The following GCN1 variants were observed in gnomAD, a reference collection of about 807,000 sequenced individuals.
GCN1 encodes the protein stalled ribosome sensor GCN1.
GCN1 carries 90 observed loss-of-function variants against 288.4 expected under a neutral mutation model. The observed-to-expected ratio is 0.31, with a 90% CI of 0.26 to 0.37. GCN1 has a LOEUF of 0.37. Ranked by LOEUF, GCN1 falls within the 10% of genes least tolerant of loss-of-function variation. The pLI, the probability that GCN1 is intolerant of heterozygous loss-of-function variation, is 1.00. For synonymous variants in GCN1, 1,386 were observed against 1,420.2 expected, an observed-to-expected ratio of 0.98 and a Z score of 0.54; for missense variants, 2,586 against 3,419.9, an observed-to-expected ratio of 0.76 and a Z score of 6.08.
chr12:120,142,963 C>G lies in GCN1; in HGVS notation c.5496-22G>C, dbSNP rs753611168. On this transcript the variant is annotated intron_variant, in intron 42 of 57. Transcript: ENST00000300648. The surrounding 1 kb of genome is among the most constrained non-coding windows in gnomAD (Gnocchi z 4.9). ...GAACCTGAGAAGGAGGCCAACAACA[C>G]AGTCACACAGCTGCAAGGAGTGGGC... 7.0e-7 allele frequency: 1 copy of G among 1,424,598 alleles called. No individual in the cohort carries two copies. The highest frequency in any genetic ancestry group is 2.3e-5 in the East Asian group (1 of 43,964). 88.2% of individuals were successfully genotyped at this position (1,424,598 alleles called of 1,614,324 possible). A position where few individuals can be genotyped will look rare whatever the true frequency, so the allele number is the denominator to read the frequency against.
At chr12:120,168,801 G>A (rs1878214640) in intron 15 of GCN1, among the ~76,000 whole-genome samples, 1 of 151,692 alleles carries the variant, frequency 6.6e-6, no homozygotes, top group African/African-American at 2.4e-5. Context: ...ATATATTTCT[G>A]TATTTCCTCG....
Position 120,178,838 on chromosome 12 carries a change from T to G in GCN1, c.525+14A>C. On this transcript the variant is annotated intron_variant, in intron 6 of 57. Transcript: ENST00000300648. Reference sequence around the variant, plus strand: ...GGAAGAAGCAATGCCCACCAGCCCCTGCAGTCCTGTCACCTCTTTCCACAG... The same window carrying G: ...GGAAGAAGCAATGCCCACCAGCCCCGGCAGTCCTGTCACCTCTTTCCACAG... 1 of 1,613,784 alleles carries G rather than the reference T, an allele frequency of 6.2e-7. No individual in the cohort carries two copies.
At chr12:120,141,746 G>A (rs146106465) in intron 44 of GCN1, among the ~76,000 whole-genome samples, 8 of 152,270 alleles carry the variant, frequency 5.3e-5, no homozygotes, top group African/African-American at 1.7e-4. Context: ...CTCCTCACCT[G>A]GTTAGTGCTT....
rs550126173 is a variant in GCN1 at position 120,148,270 on chromosome 12, G to A, written c.4623C>T (p.Pro1541=). The part of the protein sequence containing the change: ...QLSSCLPNIV[P]KLTEVLTDSH... ...AGTCGGTCAGCACCTCCGTAAGCTT[G>A]GGCACAATGTTGGGTAGACAGGATG... The change falls in exon 37 of 58, where the codon CCC becomes CCT. Residue 1541 remains proline, a synonymous_variant. Coordinates refer to ENST00000300648, the MANE Select transcript of GCN1 (RefSeq NM_006836.2). 1 of 1,614,048 alleles carries A rather than the reference G, an allele frequency of 6.2e-7. No homozygotes were observed. Among genetic ancestry groups the A allele is most frequent in the South Asian group, 1.1e-5 (1 of 91,086 alleles).
chr12:120,147,708 C>A (rs915563579), intron 37 of GCN1, among the ~76,000 whole-genome samples: 3 of 152,154 alleles, frequency 2.0e-5, no homozygotes, highest in African/African-American at 4.8e-5. Flanking sequence ...ACTGACTGGG[C>A]ACTGGCAGCT....
At chr12:120,179,484 C>G (rs1878583561) in intron 5 of GCN1, among the ~76,000 whole-genome samples, 1 of 151,588 alleles carries the variant, frequency 6.6e-6, no homozygotes, top group Non-Finnish European at 1.5e-5. Context: ...ACTGCAAGCT[C>G]CGCCTCACGG....
In GCN1 at chr12:120,134,256, T is replaced by C. The variant is rs1209577034; in HGVS notation, c.7317+35A>G. The C allele has an allele frequency of 7.1e-7, 1 of 1,403,478 alleles. No homozygotes were observed. The highest frequency in any genetic ancestry group is 1.0e-6 in the Non-Finnish European group (1 of 988,686). 86.9% of individuals were successfully genotyped at this position (1,403,478 alleles called of 1,614,324 possible). On this transcript the variant is annotated intron_variant, in intron 53 of 57. Transcript: ENST00000300648. The surrounding 1 kb of genome is among the most constrained non-coding windows in gnomAD (Gnocchi z 5.0). ...TAAGGAGGAGGAGGGAAACCAGTGGTCCAGTGCTGCCACTAGTCCTGCCTG... is the reference window on the plus strand; with the variant it reads ...TAAGGAGGAGGAGGGAAACCAGTGGCCCAGTGCTGCCACTAGTCCTGCCTG...
intron 5 of GCN1, among the ~76,000 whole-genome samples, chr12:120,180,040 C>T (rs1878601243): frequency 6.6e-6 from 1 of 152,218 alleles, no homozygotes; most frequent in Non-Finnish European, 1.5e-5. Flanking sequence ...GGCCTAGTGG[C>T]TCACACCTGT....
intron 2 of GCN1, among the ~76,000 whole-genome samples, chr12:120,185,581 T>C: frequency 6.6e-6 from 1 of 152,162 alleles, no homozygotes; most frequent in East Asian, 1.9e-4. Flanking sequence ...CCATGTAAGG[T>C]GGGCAGTGTT....
At position 120,173,772 on chromosome 12, in the gene GCN1, C is replaced by T. The variant is rs756678405; in HGVS notation, c.1247G>A (p.Arg416Gln). ...AVSVLALWCN[R>Q]FTMEVPKKLT... ...CTTCTTGGGCACTTCCATAGTGAAT[C>T]GGTTACACCAGAGAGCCAGGACTGA... Residue 416 changes from arginine to glutamine, a missense_variant, in exon 14 of 58, where the codon CGA becomes CAA. Around this residue, in one of 8 missense-constraint regions of GCN1, gnomAD observed 913 missense variants for 1,107.0 expected, o/e 0.82. Coordinates refer to ENST00000300648, the MANE Select transcript of GCN1 (RefSeq NM_006836.2). The T allele has an allele frequency of 9.3e-6, 15 of 1,613,738 alleles. No individual in the cohort carries two copies. Among genetic ancestry groups the T allele is most frequent in the South Asian group, 2.2e-5 (2 of 91,074 alleles).
At chr12:120,138,941 T>G in intron 45 of GCN1, 85 bp from the exon 46 acceptor site, 3 of 1,213,054 alleles carry the variant, frequency 2.5e-6, no homozygotes, top group Non-Finnish European at 3.5e-6. Flanking sequence ...CAGGGGACTC[T>G]GACCCAGCTA....
chr12:120,155,026 C>T lies in GCN1; in HGVS notation c.3645G>A (p.Val1215=), dbSNP rs972773408. 8 of 1,613,780 alleles carry T rather than the reference C, an allele frequency of 5.0e-6. No individual in the cohort carries two copies. Among genetic ancestry groups the T allele is most frequent in the Middle Eastern group, 3.3e-4 (2 of 6,084 alleles). The change falls in exon 31 of 58, where the codon GTG becomes GTA. Residue 1215 remains valine (V), a synonymous_variant. Transcript: ENST00000300648. This position sits in a 1 kb window ranked among gnomAD's most constrained non-coding sequence, Gnocchi z 4.9. The part of the protein sequence containing the change: ...YQEKLYRPPP[V]LDALGRVISE... ...AAATAACTCGTCCCAAAGCATCCAG[C>T]ACTGGGGGCGGCCGCTGCAACAGAC...
Position 120,179,391 on chromosome 12 carries a change from C to T in GCN1, c.427-441G>A, listed in dbSNP as rs573161665. Among the ~76,000 whole-genome samples, 6 of 150,818 alleles carry T rather than the reference C, an allele frequency of 4.0e-5. No homozygotes were observed. The South Asian group carries it at 1.1e-3, about 26-fold the overall frequency. On this transcript the variant is annotated intron_variant, in intron 5 of 57. Coordinates refer to ENST00000300648, the MANE Select transcript of GCN1 (RefSeq NM_006836.2). ...GACTACAGGTGCGTGCCACCATGCC[C>T]AGCTAATTTTTTTTTTTTTTTTTTT...
chr12:120,194,053 C>G (rs1225364152), intron 1 of GCN1, among the ~76,000 whole-genome samples: 2 of 152,254 alleles, frequency 1.3e-5, no homozygotes, highest in Non-Finnish European at 2.9e-5. Flanking sequence ...CAGGACAGTT[C>G]TTTTCACTAA....
At chr12:120,140,664 A>G (rs1321185222) in intron 45 of GCN1, among the ~76,000 whole-genome samples, 195 bp downstream of exon 45, 1 of 152,202 alleles carries the variant, frequency 6.6e-6, no homozygotes, top group Admixed American at 6.5e-5. Context: ...TTAGCCTGCA[A>G]AACTGACAGG....
In GCN1 at chr12:120,137,509, A is replaced by T; in HGVS notation, c.6663+36T>A. On this transcript the variant is annotated intron_variant, in intron 49 of 57. Coordinates refer to ENST00000300648, the MANE Select transcript of GCN1 (RefSeq NM_006836.2). The surrounding 1 kb of genome is among the most constrained non-coding windows in gnomAD (Gnocchi z 5.2). The stretch of plus-strand genomic sequence containing the variant: ...CTGTAAATGTCTGGAATTTTCTAAA[A>T]GCAAAAGTTGGCTGTGGGGTCAGCA... 1 of 1,603,724 alleles carries T rather than the reference A, an allele frequency of 6.2e-7. No homozygotes were observed. The highest frequency in any genetic ancestry group is 8.5e-7 in the Non-Finnish European group (1 of 1,172,480).
intron 56 of GCN1, 112 bp from the exon 57 acceptor site, chr12:120,129,606 T>A (rs1019468299): frequency 2.6e-6 from 2 of 767,950 alleles, no homozygotes; most frequent in Admixed American, 3.9e-5. Context: ...TGACCCCCCC[T>A]GCTCCTGTGG....
chr12:120,136,134 C>T (rs2139085300), intron 51 of GCN1, among the ~76,000 whole-genome samples: 1 of 152,156 alleles, frequency 6.6e-6, no homozygotes, highest in South Asian at 2.1e-4. Context: ...AGTAGTTTTT[C>T]AAAATAATAG....
chr12:120,127,871 A>C lies in GCN1; in HGVS notation c.7994T>G (p.Val2665Gly), dbSNP rs1594254568. ...LASQADSTEQVDDTILT is the reference protein window; with the variant it reads ...LASQADSTEQGDDTILT ...CTCTCATGTCAGGATGGTGTCGTCCACCTGCTCCGTGGAGTCGGCCTGGCT... is the reference window on the plus strand; with the variant it reads ...CTCTCATGTCAGGATGGTGTCGTCCCCCTGCTCCGTGGAGTCGGCCTGGCT... The change falls in exon 58 of 58, where the codon GTG (valine) becomes GGG (glycine). Residue 2665 changes from valine to glycine, a missense_variant. Around this residue, in one of 8 missense-constraint regions of GCN1, gnomAD observed 355 missense variants for 431.1 expected, o/e 0.82. Transcript: ENST00000300648. 1.2e-6 allele frequency: 2 copies of C among 1,613,836 alleles called. No homozygotes were observed. Among genetic ancestry groups the C allele is most frequent in the Non-Finnish European group, 1.7e-6 (2 of 1,179,688 alleles).
Sources: gnomAD v4.1 joint callset for allele counts (sites outside exome capture counted in the v4.1 genomes callset) on GRCh38, gnomAD v4.1.1 for gene constraint, gnomAD v4.1.1 regional missense constraint, Gnocchi (gnomAD v3.1) non-coding constraint, MANE v1.5 for transcripts, NCBI Gene and HGNC (gene_info 2026-07-23, HGNC 2026-07-21) for gene names.